The following ACBD6 variants were observed in gnomAD, a reference collection of about 807,000 sequenced individuals.
The protein encoded by ACBD6 is acyl-CoA-binding domain-containing protein 6.
A neutral mutation model predicts 37.2 loss-of-function variants in ACBD6; 28 were observed. That is an observed-to-expected ratio of 0.75 (90% CI 0.56 to 1.03). The LOEUF is 1.03. Ranked by LOEUF, ACBD6 falls within the 50% of genes least tolerant of loss-of-function variation. The pLI is 0.00. For missense variants in ACBD6, 340 were observed against 337.4 expected (o/e 1.01, Z -0.06); for synonymous variants, 113 against 126.8 (o/e 0.89, Z 0.73).
intron 6 of ACBD6, among the ~76,000 whole-genome samples, chr1:180,346,334 T>C (rs371839634): frequency 2.0e-4 from 30 of 152,134 alleles, no homozygotes; most frequent in East Asian, 9.6e-4. Context: ...GTACATACTA[T>C]TAGAATGAGG....
chr1:180,302,121 C>A (rs936641480), intron 7 of ACBD6, among the ~76,000 whole-genome samples: 17 of 151,674 alleles, frequency 1.1e-4, no homozygotes, highest in Non-Finnish European at 2.9e-5. Flanking sequence ...ACAAACATGG[C>A]ACATGTATAC....
At chr1:180,433,840 C>CGA (rs1190145314) in intron 3 of ACBD6, among the ~76,000 whole-genome samples, 1 of 151,754 alleles carries the variant, frequency 6.6e-6, no homozygotes, top group African/African-American at 2.4e-5. Context: ...GTCACAATCC[C>CGA]GAGAGAGAGT....
At chr1:180,292,763 G>C (rs934899341) in intron 7 of ACBD6, among the ~76,000 whole-genome samples, 5 of 152,192 alleles carry the variant, frequency 3.3e-5, no homozygotes, top group Admixed American at 2.6e-4. Context: ...TTAATACAAT[G>C]TTGGATCAAA....
At chr1:180,343,925 A>G (rs917500597) in intron 6 of ACBD6, among the ~76,000 whole-genome samples, 16 of 152,104 alleles carry the variant, frequency 1.1e-4, no homozygotes, top group Non-Finnish European at 2.9e-5. Flanking sequence ...ACTACTTGCA[A>G]GAAAAGTAAA....
At chr1:180,308,834 AT>A (rs942147594) in intron 7 of ACBD6, among the ~76,000 whole-genome samples, 5 of 152,170 alleles carry the variant, frequency 3.3e-5, no homozygotes, top group Admixed American at 6.6e-5. Context: ...TGGGAAGTAA[AT>A]GAATCTGGGG....
At chr1:180,372,960 G>C (rs1023175321) in intron 6 of ACBD6, among the ~76,000 whole-genome samples, 2 of 152,078 alleles carry the variant, frequency 1.3e-5, no homozygotes, top group African/African-American at 4.8e-5. Context: ...CTCCCAGACC[G>C]GGACTTTGAC....
intron 3 of ACBD6, among the ~76,000 whole-genome samples, chr1:180,472,363 G>A (rs2102058886): frequency 6.6e-6 from 1 of 152,304 alleles, no homozygotes; most frequent in Non-Finnish European, 1.5e-5. Context: ...GAGGACAACA[G>A]TATTGTGATT....
chr1:180,347,827 C>A (rs1652246572), intron 6 of ACBD6, among the ~76,000 whole-genome samples: 1 of 151,932 alleles, frequency 6.6e-6, no homozygotes, highest in African/African-American at 2.4e-5. Flanking sequence ...AAAAATTAGC[C>A]GGGCGTGGTG....
chr1:180,271,781 C>A, exon 14 of ACBD6: 2 of 1,602,910 alleles, frequency 1.2e-6, no homozygotes, highest in South Asian at 1.1e-5. Context: ...GTCCTGGGGG[C>A]TTTGGGTTTG....
chr1:180,288,429 T>C lies in ACBD6; in HGVS notation c.783A>G (p.Pro261=), dbSNP rs1000968054. The C allele has an allele frequency of 6.2e-7, 1 of 1,613,764 alleles. No individual in the cohort carries two copies. The highest frequency in any genetic ancestry group is 8.5e-7 in the Non-Finnish European group (1 of 1,179,988). The change falls in exon 8 of 8, where the codon CCA becomes CCG. Residue 261 remains proline, a synonymous_variant. Coordinates refer to ENST00000367595, the MANE Select transcript of ACBD6 (RefSeq NM_032360.4). ...CTGTTTTGCAGCCTGTCACCTCCTC[T>C]GGCAGGCAGCCATCCTGGTCTCGGA... ...PTLRDQDGCL[P]EEVTGCKTVS... is the part of the protein sequence containing the mutation.
At chr1:180,411,956 C>G (rs937177010) in intron 5 of ACBD6, among the ~76,000 whole-genome samples, 1 of 152,112 alleles carries the variant, frequency 6.6e-6, no homozygotes, top group African/African-American at 2.4e-5. Context: ...AGGCGTGAGC[C>G]ACCGCGTCTG....
chr1:180,321,657 G>A (rs912401275), intron 6 of ACBD6, among the ~76,000 whole-genome samples: 1 of 152,010 alleles, frequency 6.6e-6, no homozygotes, highest in African/African-American at 2.4e-5. Context: ...GACAGAGCAA[G>A]ACTCTGTCTC....
intron 4 of ACBD6, among the ~76,000 whole-genome samples, chr1:180,424,868 A>G (rs1198348447): frequency 1.3e-5 from 2 of 152,172 alleles, no homozygotes; most frequent in African/African-American, 4.8e-5. Context: ...GGTTGGCATC[A>G]TGACACTGAG....
At chr1:180,496,202 A>G (rs907513204) in intron 1 of ACBD6, among the ~76,000 whole-genome samples, 20 of 152,210 alleles carry the variant, frequency 1.3e-4, no homozygotes, top group African/African-American at 4.8e-4. Context: ...TTCATTAAGA[A>G]TAAGCATAAA....
chr1:180,362,947 A>C (rs1269968443), intron 6 of ACBD6, among the ~76,000 whole-genome samples: 1 of 152,258 alleles, frequency 6.6e-6, no homozygotes, highest in Non-Finnish European at 1.5e-5. Flanking sequence ...TGACTAGAGA[A>C]GTTGAGAAAC....
chr1:180,375,102 T>C (rs1409156824), intron 6 of ACBD6, among the ~76,000 whole-genome samples: 3 of 152,162 alleles, frequency 2.0e-5, no homozygotes, highest in Non-Finnish European at 2.9e-5. Flanking sequence ...CATAAACTAT[T>C]ATGAAACTTC....
At chr1:180,461,915 C>A (rs1650164324) in intron 3 of ACBD6, among the ~76,000 whole-genome samples, 4 of 152,050 alleles carry the variant, frequency 2.6e-5, no homozygotes, top group African/African-American at 9.7e-5. Flanking sequence ...AGGATCGAAT[C>A]CACACATAAC....
intron 6 of ACBD6, among the ~76,000 whole-genome samples, chr1:180,323,128 A>G (rs1651136329): frequency 6.6e-6 from 1 of 151,974 alleles, no homozygotes; most frequent in African/African-American, 2.4e-5. Context: ...TCAGGAGCAT[A>G]CTGTTTAATT....
At chr1:180,359,753 T>C (rs1255971774) in intron 6 of ACBD6, among the ~76,000 whole-genome samples, 2 of 152,150 alleles carry the variant, frequency 1.3e-5, no homozygotes, top group Non-Finnish European at 2.9e-5. Flanking sequence ...AGTCAACAAA[T>C]CCCTCTCTTA....
Sources: allele counts gnomAD v4.1 joint callset (sites outside exome capture counted in the v4.1 genomes callset), GRCh38; gene constraint gnomAD v4.1.1; transcripts MANE v1.5; gene names NCBI Gene and HGNC (gene_info 2026-07-23, HGNC 2026-07-21).